Variants in DPF3 observed in about 807,000 individuals in gnomAD.
The protein encoded by DPF3 is zinc finger protein DPF3.
In DPF3, 18 loss-of-function variants were observed where a neutral mutation model predicts 56.8. That is an observed-to-expected ratio of 0.32 (90% CI 0.22 to 0.47). The LOEUF is 0.47. Ranked by LOEUF, DPF3 falls within the 20% of genes least tolerant of loss-of-function variation. The probability of loss-of-function intolerance (pLI) is 1.00; values close to 1 mark genes in which losing one functional copy is unlikely to be tolerated. For missense variants in DPF3, 403 were observed against 488.8 expected, an observed-to-expected ratio of 0.82 and a Z score of 1.65; for synonymous variants, 188 against 180.2, an observed-to-expected ratio of 1.04 and a Z score of -0.35.
chr14:72,870,746 A>T (rs532201666), intron 1 of DPF3, among the ~76,000 whole-genome samples: 1 of 152,224 alleles, frequency 6.6e-6, no homozygotes, highest in Non-Finnish European at 1.5e-5. Flanking sequence ...CTCATTTTAC[A>T]GATGGAAAAA....
intron 6 of DPF3, among the ~76,000 whole-genome samples, chr14:72,706,756 A>G (rs1888420791): frequency 6.6e-6 from 1 of 152,166 alleles, no homozygotes; most frequent in African/African-American, 2.4e-5. Context: ...CAGCCTCACA[A>G]CTGTACTTCT....
At chr14:72,764,829 G>A (rs1891210699) in intron 2 of DPF3, among the ~76,000 whole-genome samples, 1 of 152,178 alleles carries the variant, frequency 6.6e-6, no homozygotes, top group Non-Finnish European at 1.5e-5. Context: ...AACATGAGGG[G>A]CAGTCATGGA....
At chr14:72,853,093 T>C (rs931960481) in intron 1 of DPF3, 2 of 141,752 alleles carry the variant, frequency 1.4e-5, no homozygotes, top group African/African-American at 5.1e-5. Flanking sequence ...ATAGAAAATA[T>C]CTGGAAGGAT....
chr14:72,810,415 G>A (rs1284068043), intron 1 of DPF3, among the ~76,000 whole-genome samples: 1 of 152,214 alleles, frequency 6.6e-6, no homozygotes, highest in East Asian at 1.9e-4. Context: ...ATGCCAGGGT[G>A]TGTTCTAATA....
chr14:72,755,199 C>T (rs1235949542), intron 2 of DPF3, among the ~76,000 whole-genome samples: 4 of 152,170 alleles, frequency 2.6e-5, no homozygotes, highest in Non-Finnish European at 5.9e-5. Context: ...GTGAGCTGGC[C>T]CCCACCAGCA....
chr14:72,662,352 T>G (rs1886253033), intron 8 of DPF3: 1 of 985,008 alleles, frequency 1.0e-6, no homozygotes, highest in South Asian at 4.7e-5. Context: ...TGATTTCATG[T>G]CTTCACAAAA....
Position 72,618,226 on chromosome 14 carries a change from G to A in DPF3, c.*1071C>T, listed in dbSNP as rs534198023. 6.6e-6 allele frequency among the ~76,000 whole-genome samples: 1 copy of A among 152,154 alleles called. No individual in the cohort carries two copies. Among genetic ancestry groups the A allele is most frequent in the Non-Finnish European group, 1.5e-5 (1 of 68,030 alleles). ...TCTCTCCCCCATCCTAAAATTCCCAGTCAGGTCTCAGTAGACAATAGCGAA... is the reference window on the plus strand; with the variant it reads ...TCTCTCCCCCATCCTAAAATTCCCAATCAGGTCTCAGTAGACAATAGCGAA... On this transcript the variant is annotated 3_prime_UTR_variant, in exon 11 of 11. Coordinates refer to ENST00000556509, the MANE Select transcript of DPF3 (RefSeq NM_001280542.3).
intron 7 of DPF3, among the ~76,000 whole-genome samples, chr14:72,683,276 G>A (rs543578206): frequency 2.9e-4 from 42 of 143,072 alleles, no homozygotes; most frequent in South Asian, 6.7e-4. Context: ...GCAGTGAGCC[G>A]AGATCGCACC....
chr14:72,807,712 G>A (rs1191082243), intron 1 of DPF3, among the ~76,000 whole-genome samples: 4 of 152,154 alleles, frequency 2.6e-5, no homozygotes, highest in Non-Finnish European at 5.9e-5. Flanking sequence ...ACAAGAGTAT[G>A]AATATTAGAG....
chr14:72,684,895 A>C (rs2153572000), intron 7 of DPF3, among the ~76,000 whole-genome samples: 1 of 152,292 alleles, frequency 6.6e-6, no homozygotes, highest in Admixed American at 6.5e-5. Context: ...TAATGAAATT[A>C]GTGCCCTTAT....
chr14:72,879,589 G>A (rs1377628433), intron 1 of DPF3, among the ~76,000 whole-genome samples: 2 of 152,160 alleles, frequency 1.3e-5, no homozygotes, highest in East Asian at 1.9e-4. Flanking sequence ...CCATCCAGAA[G>A]ATGACAGATG....
chr14:72,835,089 CTTTT>C (rs560010850), intron 1 of DPF3, among the ~76,000 whole-genome samples: 10 of 98,556 alleles, frequency 1.0e-4, no homozygotes, highest in Non-Finnish European at 1.9e-4. Flanking sequence ...TGCAGAATTT[CTTTT>C]TTCTTTTTCT....
intron 8 of DPF3, among the ~76,000 whole-genome samples, chr14:72,672,813 C>T (rs763464049): frequency 4.6e-5 from 7 of 152,148 alleles, no homozygotes; most frequent in Admixed American, 1.3e-4. Context: ...CAGTCCATAA[C>T]GTGTTGCTTA....
rs1260440123 is a variant in DPF3 at position 72,613,681 on chromosome 14, T to C, written c.*5616A>G. On this transcript the variant is annotated 3_prime_UTR_variant, in exon 11 of 11. Transcript: ENST00000556509. ...TCCCAGGAACCCACTCACTTCCAAA[T>C]CTTTCCCCTCATGCAGGGAGTTCCC... is the stretch of plus-strand genomic sequence containing the variant. 6.6e-6 allele frequency among the ~76,000 whole-genome samples: 1 copy of C among 152,144 alleles called. No individual in the cohort carries two copies. Among genetic ancestry groups the C allele is most frequent in the Non-Finnish European group, 1.5e-5 (1 of 68,006 alleles).
At position 72,865,023 on chromosome 14, in the gene DPF3, G is replaced by A. The variant is rs36085624; in HGVS notation, c.32+29034C>T. 3.2e-3 allele frequency among the ~76,000 whole-genome samples: 494 copies of A among 152,278 alleles called. 1 individual carries two copies. Among genetic ancestry groups the A allele is most frequent in the Non-Finnish European group, 5.5e-3 (377 of 68,032 alleles). On this transcript the variant is annotated intron_variant, in intron 1 of 10. Coordinates refer to ENST00000556509, the MANE Select transcript of DPF3 (RefSeq NM_001280542.3). ...GCTTAGATGACAGTGAACTCCAAGG[G>A]GAATAAGCAGCTTTAAGGGAAGAAG... is the stretch of plus-strand genomic sequence containing the variant.
chr14:72,614,881 CCA>C lies in DPF3; in HGVS notation c.*4414_*4415del, dbSNP rs1191892757. Among the ~76,000 whole-genome samples, 2 of 151,940 alleles carry C rather than the reference CCA, an allele frequency of 1.3e-5. No homozygotes were observed. Among genetic ancestry groups the C allele is most frequent in the Non-Finnish European group, 1.5e-5 (1 of 67,966 alleles). On this transcript the variant is annotated 3_prime_UTR_variant, in exon 11 of 11. Coordinates refer to ENST00000556509, the MANE Select transcript of DPF3 (RefSeq NM_001280542.3). ...AGGACATCCAGCTCTCTGCCTTTTTCCACCAGAGATCCTCACCCCTCCCAAAT... is the reference window on the plus strand; with the variant it reads ...AGGACATCCAGCTCTCTGCCTTTTTCCCAGAGATCCTCACCCCTCCCAAAT...
rs370728188 is a variant in DPF3, at chr14:72,777,819, G to C, written c.33-5926C>G. On this transcript the variant is annotated intron_variant, in intron 1 of 10. Transcript: ENST00000556509. ...TGCCATGATTGTAAGTTTCCTGAGG[G>C]CTCCCCAGAAGCCAAGCAGATGCCA... Among the ~76,000 whole-genome samples the C allele has an allele frequency of 8.5e-4, 130 of 152,118 alleles. 2 individuals are homozygous for C. In the South Asian group the frequency reaches 0.025, roughly 29 times the overall value.
chr14:72,741,169 G>T (rs1429844516), intron 3 of DPF3, among the ~76,000 whole-genome samples: 1 of 152,168 alleles, frequency 6.6e-6, no homozygotes, highest in African/African-American at 2.4e-5. Flanking sequence ...TTCGGTGTTG[G>T]GGACGGGAAC....
intron 9 of DPF3, among the ~76,000 whole-genome samples, chr14:72,628,253 G>A (rs916941672): frequency 2.6e-5 from 4 of 151,916 alleles, no homozygotes; most frequent in Admixed American, 2.6e-4. Context: ...TTAGTTCTAA[G>A]GTACAAATAC....
Sources: gnomAD v4.1 joint callset for allele counts (sites outside exome capture counted in the v4.1 genomes callset) on GRCh38, gnomAD v4.1.1 for gene constraint, MANE v1.5 for transcripts, NCBI Gene and HGNC (gene_info 2026-07-23, HGNC 2026-07-21) for gene names.